Variants in MRPL9 observed in about 807,000 individuals in gnomAD.
MRPL9 encodes the protein large ribosomal subunit protein bL9m.
In MRPL9, 25 loss-of-function variants were observed where a neutral mutation model predicts 27.6. The observed-to-expected ratio is 0.91, with a 90% CI of 0.66 to 1.27. The LOEUF is 1.27. MRPL9 is among the 50% of genes most tolerant of loss of function. The pLI is 0.00. For missense variants in MRPL9, 362 were observed against 338.0 expected (o/e 1.07, Z -0.56); for synonymous variants, 154 against 139.0 (o/e 1.11, Z -0.76).
chr1:151,763,421 C>T lies in MRPL9; in HGVS notation c.59G>A (p.Arg20Gln), dbSNP rs372356740. The T allele has an allele frequency of 3.6e-5, 57 of 1,565,286 alleles. No individual in the cohort carries two copies. The highest frequency in any genetic ancestry group is 5.4e-5 in the African/African-American group (4 of 73,732). Residue 20 changes from arginine to glutamine, a missense_variant, in exon 1 of 7, where the codon CGG (arginine) becomes CAG (glutamine). Arg to Gln is a conservative substitution (Grantham distance 43, BLOSUM62 1). Coordinates refer to ENST00000368830, the MANE Select transcript of MRPL9 (RefSeq NM_031420.4). The part of the protein sequence containing the change: ...GRALLRAGAG[R>Q]LLRGGVQELL... ...CTCCTGGACGCCTCCCCGAAGCAGC[C>T]GTCCAGCGCCCGCCCGCAGCAGAGC...
intron 3 of MRPL9, 24 bp downstream of exon 3, chr1:151,762,352 T>C (rs781253603): frequency 3.1e-6 from 5 of 1,613,846 alleles, no homozygotes; most frequent in Non-Finnish European, 4.2e-6. Flanking sequence ...TCCCCAAGTC[T>C]CTCTGTCCTT....
intron 6 of MRPL9, among the ~76,000 whole-genome samples, chr1:151,760,398 G>A (rs989396857): frequency 6.6e-6 from 1 of 151,576 alleles, no homozygotes; most frequent in East Asian, 2.0e-4. Context: ...GCCAACATGG[G>A]GAAACCCTGT....
In MRPL9 at chr1:151,760,903, C is replaced by CAAAAAAAAAAAAAAAAAAAAAAAAA. The variant is rs755031728; in HGVS notation, c.589-5_589-4insTTTTTTTTTTTTTTTTTTTTTTTTT. ...GTGGGGCAACCACAACACCAAGCTG[C>CAAAAAAAAAAAAAAAAAAAAAAAAA]AAAAAAAAAAAAAAAAAAAAAAATC... is the stretch of plus-strand genomic sequence containing the variant. On this transcript the variant is annotated splice_polypyrimidine_tract_variant and splice_region_variant and intron_variant, in intron 5 of 6. Coordinates refer to ENST00000368830, the MANE Select transcript of MRPL9 (RefSeq NM_031420.4). The CAAAAAAAAAAAAAAAAAAAAAAAAA allele has an allele frequency of 5.1e-5, 49 of 953,896 alleles. 3 individuals carry two copies. The highest frequency in any genetic ancestry group is 2.8e-4 in the African/African-American group (10 of 35,868). The allele number at this position is 953,896 out of a possible 1,614,324, so 59.1% of individuals were successfully genotyped here.
intron 6 of MRPL9, 134 bp downstream of exon 6, chr1:151,760,682 G>T: frequency 4.1e-6 from 3 of 731,148 alleles, no homozygotes; most frequent in Non-Finnish European, 6.3e-6. Context: ...GAGGTGGGAG[G>T]ATCGCTTGAA....
chr1:151,763,218 C>T, intron 1 of MRPL9, 72 bp from the exon 2 acceptor site: 1 of 1,553,992 alleles, frequency 6.4e-7, no homozygotes, highest in South Asian at 1.2e-5. Context: ...CGGCCGCCAG[C>T]CCCTCAAGGA....
chr1:151,760,216 G>T, intron 6 of MRPL9, 35 bp from the exon 7 acceptor site: 1 of 1,613,440 alleles, frequency 6.2e-7, no homozygotes, highest in South Asian at 1.1e-5. Context: ...TCAGAGATCA[G>T]TCAGGTAAGT....
chr1:151,762,163 AG>A lies in MRPL9; in HGVS notation c.436-9del. On this transcript the variant is annotated splice_polypyrimidine_tract_variant and intron_variant, in intron 3 of 6. Coordinates refer to ENST00000368830, the MANE Select transcript of MRPL9 (RefSeq NM_031420.4). ...TTTTCCTTCTTGTCTCAGCTAGAAA[AG>A]AAAGTTAAAGATGAAAAGCAGTAAA... is the stretch of plus-strand genomic sequence containing the variant. 6.2e-7 allele frequency: 1 copy of A among 1,614,028 alleles called. No homozygotes were observed. The highest frequency in any genetic ancestry group is 1.1e-5 in the South Asian group (1 of 90,996).
chr1:151,761,950 AG>A (rs1648104227), intron 4 of MRPL9, 154 bp downstream of exon 4: 5 of 705,850 alleles, frequency 7.1e-6, no homozygotes, highest in African/African-American at 1.8e-5. Context: ...ATCTCCCAAG[AG>A]GTCTCCATAC....
chr1:151,760,921 A>AAAAAAT lies in MRPL9; in HGVS notation c.589-28_589-23dup, dbSNP rs767785974. ...CAAGCTGCAAAAAAAAAAAAAAAAA[A>AAAAAAT]AAAAATCTCAGCTCAAATGAACTCT... On this transcript the variant is annotated intron_variant, in intron 5 of 6. Coordinates refer to ENST00000368830, the MANE Select transcript of MRPL9 (RefSeq NM_031420.4). 71 of 1,540,678 alleles carry AAAAAAT rather than the reference A, an allele frequency of 4.6e-5. No individual in the cohort carries two copies. The African/African-American group carries it at 8.2e-4, about 18-fold the overall frequency.
intron 5 of MRPL9, 27 bp from the exon 6 acceptor site, chr1:151,760,926 A>G (rs1648043838): frequency 5.6e-6 from 8 of 1,419,294 alleles, no homozygotes; most frequent in Non-Finnish European, 7.6e-6. Context: ...AAAAAAAAAA[A>G]TCTCAGCTCA....
chr1:151,763,398 C>T lies in MRPL9; in HGVS notation c.82G>A (p.Glu28Lys), dbSNP rs1558129242. ...AGRLLRGGVQELLRPRHEGNA... is the reference protein window; with the variant it reads ...AGRLLRGGVQKLLRPRHEGNA... ...CCTTCATGTCGCGGCCGCAGTAGCT[C>T]CTGGACGCCTCCCCGAAGCAGCCGT... The change falls in exon 1 of 7, where the codon GAG (glutamate) becomes AAG (lysine). Residue 28 changes from glutamate (E) to lysine (K), a missense_variant. Coordinates refer to ENST00000368830, the MANE Select transcript of MRPL9 (RefSeq NM_031420.4). The T allele has an allele frequency of 6.4e-7, 1 of 1,566,072 alleles. No individual in the cohort carries two copies. The highest frequency in any genetic ancestry group is 2.4e-5 in the East Asian group (1 of 42,028).
rs755031728 is a variant in MRPL9, at chr1:151,760,903, CA to C, written c.589-5del. Reference sequence around the variant, plus strand: ...GTGGGGCAACCACAACACCAAGCTGCAAAAAAAAAAAAAAAAAAAAAAATCT... The same window carrying C: ...GTGGGGCAACCACAACACCAAGCTGCAAAAAAAAAAAAAAAAAAAAAATCT... On this transcript the variant is annotated splice_polypyrimidine_tract_variant and splice_region_variant and intron_variant, in intron 5 of 6. Coordinates refer to ENST00000368830, the MANE Select transcript of MRPL9 (RefSeq NM_031420.4). 122,054 of 926,798 alleles carry C rather than the reference CA, an allele frequency of 0.13. 1 individual carries two copies. The highest frequency in any genetic ancestry group is 0.14 in the South Asian group (6,181 of 43,500). The allele number at this position is 926,798 out of a possible 1,614,324, so 57.4% of individuals were successfully genotyped here.
intron 1 of MRPL9, 65 bp from the exon 2 acceptor site, chr1:151,763,211 C>T: frequency 6.4e-7 from 1 of 1,559,960 alleles, no homozygotes; most frequent in Non-Finnish European, 8.7e-7. Context: ...TCCACCACGG[C>T]CGCCAGCCCC....
At position 151,763,446 on chromosome 1, in the gene MRPL9, C is replaced by A. The variant is rs375753239; in HGVS notation, c.34G>T (p.Ala12Ser). 1.8e-5 allele frequency: 29 copies of A among 1,572,984 alleles called. 1 individual carries two copies. The African/African-American group carries it at 3.1e-4, about 17-fold the overall frequency. Residue 12 changes from alanine to serine, a missense_variant, in exon 1 of 7, where the codon GCT (alanine) becomes TCT (serine). Physicochemically the swap from Ala to Ser is moderately conservative, Grantham distance 99. Coordinates refer to ENST00000368830, the MANE Select transcript of MRPL9 (RefSeq NM_031420.4). ...CGTCCAGCGCCCGCCCGCAGCAGAG[C>A]TCTGCCCGGGGCCGTGACAACGGGC... is the stretch of plus-strand genomic sequence containing the variant. ...AAPVVTAPGR[A>S]LLRAGAGRLL...
chr1:151,760,105 T>C lies in MRPL9; in HGVS notation c.749A>G (p.Tyr250Cys), dbSNP rs1558126936. 6.2e-7 allele frequency: 1 copy of C among 1,614,150 alleles called. No individual in the cohort carries two copies. Among genetic ancestry groups the C allele is most frequent in the Admixed American group, 1.7e-5 (1 of 60,012 alleles). The change falls in exon 7 of 7, where the codon TAC (tyrosine) becomes TGC (cysteine). Residue 250 changes from tyrosine (Y) to cysteine (C), a missense_variant. By Grantham distance (194) the Tyr-to-Cys change is radical. Coordinates refer to ENST00000368830, the MANE Select transcript of MRPL9 (RefSeq NM_031420.4). ...CTTGGCAGCTTGCTGGGCTAACCAG[T>C]ACTTATATCTTTTGGTCTTGGGCTT... ...FEKPKTKRYK[Y>C]WLAQQAAKAM...
chr1:151,760,809 C>T lies in MRPL9; in HGVS notation c.672+7G>A. 1.3e-6 allele frequency: 2 copies of T among 1,565,356 alleles called. No individual in the cohort carries two copies. Among genetic ancestry groups the T allele is most frequent in the Non-Finnish European group, 8.6e-7 (1 of 1,163,680 alleles). On this transcript the variant is annotated splice_region_variant and intron_variant, in intron 6 of 6. Coordinates refer to ENST00000368830, the MANE Select transcript of MRPL9 (RefSeq NM_031420.4). ...AAAAGAAAAAAGAAAGTATGCAAAA[C>T]ACTCACCGTCACCTCACACCAATAC...
At chr1:151,760,771 GA>G in intron 6 of MRPL9, 44 bp downstream of exon 6, 8 of 1,494,482 alleles carry the variant, frequency 5.4e-6, no homozygotes, top group East Asian at 2.3e-5. Context: ...AAAAGTGGGG[GA>G]AAAGGAGAAA....
rs771180241 is a variant in MRPL9, at chr1:151,763,006, C to T, written c.294G>A (p.Leu98=). Residue 98 remains leucine, a synonymous_variant, in exon 2 of 7, where the codon CTG becomes CTA. Transcript: ENST00000368830. ...GGGCCTTACTCTCCACCGACTGCGT[C>T]AGGATGAGCTCCAGGTTTTCTTTGG... ...HRPKENLELI[L]TQSVENVGVR... 6.2e-7 allele frequency: 1 copy of T among 1,614,206 alleles called. No homozygotes were observed. Among genetic ancestry groups the T allele is most frequent in the Admixed American group, 1.7e-5 (1 of 60,020 alleles).
chr1:151,762,907 C>T (rs1338878109), intron 2 of MRPL9, 83 bp downstream of exon 2: 5 of 1,491,754 alleles, frequency 3.4e-6, no homozygotes. Flanking sequence ...AAAAGCAAGG[C>T]AAATAGTTGA....
Sources: allele counts gnomAD v4.1 joint callset (sites outside exome capture counted in the v4.1 genomes callset), GRCh38; gene constraint gnomAD v4.1.1; transcripts MANE v1.5; gene names NCBI Gene and HGNC (gene_info 2026-07-23, HGNC 2026-07-21).